Variants in CSAD observed in about 807,000 individuals in gnomAD.
CSAD encodes P-selectin cytoplasmic tail-associated protein.
Under a neutral mutation model 61.5 loss-of-function variants are expected in CSAD, and 47 were observed. The observed-to-expected ratio is 0.76, with a 90% CI of 0.60 to 0.97. The LOEUF is 0.97. Among genes scored for constraint, CSAD ranks in the 50% least tolerant of loss-of-function variants. The pLI, the probability that CSAD is intolerant of heterozygous loss-of-function variation, is 0.00. For synonymous variants in CSAD, 245 were observed against 252.7 expected (o/e 0.97, Z 0.29); for missense variants, 611 against 643.6 (o/e 0.95, Z 0.55).
intron 10 of CSAD, among the ~76,000 whole-genome samples, chr12:53,168,818 G>A (rs1940212131): frequency 6.6e-6 from 1 of 152,176 alleles, no homozygotes. Context: ...TTTTACAGAG[G>A]AAGGAACTAA....
upstream of CSAD, chr12:53,181,253 G>T (rs1314930506): frequency 1.2e-5 from 12 of 985,340 alleles, no homozygotes; most frequent in South Asian, 4.7e-5. Flanking sequence ...GAACGCACAC[G>T]TGTGGGCACT....
chr12:53,180,034 A>C, intron 1 of CSAD: 2 of 1,427,114 alleles, frequency 1.4e-6, no homozygotes, highest in East Asian at 5.1e-5. Flanking sequence ...GGCGAAGGGG[A>C]GAAGGTAACC....
rs375625717 is a variant in CSAD at position 53,170,111 on chromosome 12, G to A, written c.663C>T (p.Pro221=). ...TACCAATCTGCCTCTCCAGATCCTC[G>A]GGGACCATTTTCCCTCTGAAAAAGA... ...VKADERGKMV[P]EDLERQIGMA... is the part of the protein sequence containing the mutation. The change falls in exon 10 of 17, where the codon CCC becomes CCT. Residue 221 remains proline, a synonymous_variant. Coordinates refer to ENST00000444623, the MANE Select transcript of CSAD (RefSeq NM_001244705.2). The A allele has an allele frequency of 1.8e-4, 290 of 1,613,882 alleles. 1 individual carries two copies. The highest frequency in any genetic ancestry group is 1.9e-4 in the Non-Finnish European group (228 of 1,179,968).
chr12:53,178,738 T>C (rs1178052954), intron 2 of CSAD, among the ~76,000 whole-genome samples: 2 of 151,700 alleles, frequency 1.3e-5, no homozygotes, highest in East Asian at 1.9e-4. Flanking sequence ...TGAGCCAAGA[T>C]TGTGCCATTG....
Position 53,159,892 on chromosome 12 carries a change from T to A in CSAD, c.1213A>T (p.Met405Leu). ...MKKREGFELV[M>L]EPEFVNVCFW... The stretch of plus-strand genomic sequence containing the variant: ...AAAATAGAAAGGGGTCCTACCTCCA[T>A]GACTAGCTCAAACCCTTCCCGCTTC... Residue 405 changes from methionine to leucine, a missense_variant, in exon 15 of 17, where the codon ATG (methionine) becomes TTG (leucine). By Grantham distance (15) the Met-to-Leu change is conservative. Transcript: ENST00000444623. 4 of 1,598,592 alleles carry A rather than the reference T, an allele frequency of 2.5e-6. No homozygotes were observed. The highest frequency in any genetic ancestry group is 1.3e-5 in the African/African-American group (1 of 74,672).
chr12:53,160,977 A>G (rs1939212358), intron 12 of CSAD, 133 bp from the exon 13 acceptor site: 1 of 1,122,244 alleles, frequency 8.9e-7, no homozygotes. Flanking sequence ...AAGAACTGCC[A>G]TGTCTGACCT....
intron 7 of CSAD, chr12:53,171,663 C>T (rs1237231590): frequency 8.1e-6 from 5 of 620,756 alleles, no homozygotes; most frequent in East Asian, 5.5e-5. Context: ...AGACAGCCCC[C>T]GTCCGGAGAT....
At chr12:53,165,066 C>T (rs1939735066) in intron 10 of CSAD, among the ~76,000 whole-genome samples, 1 of 152,190 alleles carries the variant, frequency 6.6e-6, no homozygotes, top group Non-Finnish European at 1.5e-5. Flanking sequence ...TGCCTGTAAT[C>T]CCAGTACTGT....
chr12:53,174,176 C>T (rs1211572257), intron 2 of CSAD, among the ~76,000 whole-genome samples: 1 of 151,304 alleles, frequency 6.6e-6, no homozygotes, highest in African/African-American at 2.4e-5. Context: ...TGGTGGCGGG[C>T]CCCTGTAGTC....
In CSAD at chr12:53,160,775, GAGA is replaced by G. The variant is rs1466600227; in HGVS notation, c.951_953del (p.Leu318del). The G allele has an allele frequency of 1.0e-5, 16 of 1,551,622 alleles. No homozygotes were observed. In the Admixed American group the frequency reaches 1.2e-4, roughly 11 times the overall value. On this transcript the variant is annotated inframe_deletion, in exon 13 of 17. Coordinates refer to ENST00000444623, the MANE Select transcript of CSAD (RefSeq NM_001244705.2). ...GGGGCAGACCCACCGAGGTATCCTG[GAGA>G]AGAAGTGCAGAGCATTGCAGGCCTG...
chr12:53,172,106 AAGG>A, intron 6 of CSAD, 118 bp from the exon 7 acceptor site: 1 of 765,164 alleles, frequency 1.3e-6, no homozygotes, highest in Non-Finnish European at 2.2e-6. Flanking sequence ...GCAACAGTCC[AAGG>A]AGAAGAACGA....
chr12:53,160,022 A>T, intron 14 of CSAD, 84 bp from the exon 15 acceptor site: 1 of 1,599,616 alleles, frequency 6.3e-7, no homozygotes, highest in East Asian at 2.2e-5. Context: ...TGAGCCACAG[A>T]GAGACCGAGA....
rs1938771508 is a variant in CSAD at position 53,158,207 on chromosome 12, C to T, written c.*304G>A. 4.7e-6 allele frequency: 1 copy of T among 210,790 alleles called. No individual in the cohort carries two copies. Among genetic ancestry groups the T allele is most frequent in the East Asian group, 1.2e-4 (1 of 8,122 alleles). 13.1% of individuals were successfully genotyped at this position (210,790 alleles called of 1,614,324 possible). A position where few individuals can be genotyped will look rare whatever the true frequency, so the allele number is the denominator to read the frequency against. ...AGCCTGGAGTGCAGGGGTGCAATCTCGGCTCACTGCAACCTCTGCCCCCTG... is the reference window on the plus strand; with the variant it reads ...AGCCTGGAGTGCAGGGGTGCAATCTTGGCTCACTGCAACCTCTGCCCCCTG... On this transcript the variant is annotated 3_prime_UTR_variant, in exon 17 of 17. Transcript: ENST00000444623.
chr12:53,173,477 C>G lies in CSAD; in HGVS notation c.-6-1G>C, dbSNP rs771344420. On this transcript the variant is annotated splice_acceptor_variant, in intron 3 of 16. Transcript: ENST00000444623. LOFTEE classifies it low-confidence loss of function (5UTR_SPLICE). ...GTGCTTCTGAGTCAGCCATCAGGATCTGTGGCAGAGCAGAGTCATTCCCTA... is the reference window on the plus strand; with the variant it reads ...GTGCTTCTGAGTCAGCCATCAGGATGTGTGGCAGAGCAGAGTCATTCCCTA... 1 of 1,614,174 alleles carries G rather than the reference C, an allele frequency of 6.2e-7. No individual in the cohort carries two copies. Among genetic ancestry groups the G allele is most frequent in the Non-Finnish European group, 8.5e-7 (1 of 1,180,014 alleles).
chr12:53,170,392 GT>G, intron 9 of CSAD, 30 bp downstream of exon 9: 1 of 1,593,482 alleles, frequency 6.3e-7, no homozygotes, highest in African/African-American at 1.3e-5. Context: ...GCAAAGCTAG[GT>G]CACAGCCATG....
chr12:53,166,427 G>A (rs1004304563), intron 10 of CSAD: 4 of 156,448 alleles, frequency 2.6e-5, no homozygotes, highest in African/African-American at 9.6e-5. Flanking sequence ...ACAGAAAGTA[G>A]AATGGTGGCT....
intron 8 of CSAD, chr12:53,170,944 C>G: frequency 2.5e-6 from 1 of 400,646 alleles, no homozygotes. Flanking sequence ...TGGTATCAAA[C>G]TCCTGAGCTC....
chr12:53,159,993 A>G, intron 14 of CSAD, 55 bp from the exon 15 acceptor site: 1 of 1,600,592 alleles, frequency 6.2e-7, no homozygotes, highest in Non-Finnish European at 8.5e-7. Context: ...AGATCCAGAC[A>G]GAAGAGGCCC....
intron 10 of CSAD, among the ~76,000 whole-genome samples, chr12:53,168,350 GGGTGAATTATATGTTA>G (rs1010034523): frequency 6.6e-6 from 1 of 152,086 alleles, no homozygotes. Flanking sequence ...CCCTTTAAGT[GGGTGAATTATATGTTA>G]GGTGAATTAT....
Sources: allele counts gnomAD v4.1 joint callset (sites outside exome capture counted in the v4.1 genomes callset), GRCh38; gene constraint gnomAD v4.1.1; transcripts MANE v1.5; gene names NCBI Gene and HGNC (gene_info 2026-07-23, HGNC 2026-07-21).